Variants in SLC1A1 observed in about 807,000 individuals in gnomAD.
SLC1A1 encodes the protein excitatory amino acid transporter 3.
SLC1A1 carries 43 observed loss-of-function variants against 53.3 expected under a neutral mutation model. That is an observed-to-expected ratio of 0.81 (90% CI 0.63 to 1.04). SLC1A1 has a LOEUF of 1.04. SLC1A1 is among the 50% of genes least tolerant of loss of function. The pLI is 0.00. For synonymous variants in SLC1A1, 307 were observed against 243.2 expected (o/e 1.26, Z -2.44); for missense variants, 748 against 664.9 (o/e 1.12, Z -1.37).
At chr9:4,548,889 G>C (rs1332986601) in intron 2 of SLC1A1, among the ~76,000 whole-genome samples, 2 of 152,146 alleles carry the variant, frequency 1.3e-5, no homozygotes, top group African/African-American at 2.4e-5. Context: ...ACATTGTGAA[G>C]AACATGCTCC....
In SLC1A1 at chr9:4,567,649, T is replaced by C. The variant is rs1184520614; in HGVS notation, c.484-20T>C. The C allele has an allele frequency of 6.5e-7, 1 of 1,542,818 alleles. No homozygotes were observed. Among genetic ancestry groups the C allele is most frequent in the East Asian group, 2.2e-5 (1 of 44,460 alleles). ...AATTCTTTTTTTGTTTGCTTGTCCT[T>C]GATTTTCTCCAACATGCAGTACAAA... is the stretch of plus-strand genomic sequence containing the variant. On this transcript the variant is annotated intron_variant, in intron 5 of 11. Coordinates refer to ENST00000262352, the MANE Select transcript of SLC1A1 (RefSeq NM_004170.6).
At chr9:4,503,994 G>C (rs751300680) in intron 1 of SLC1A1, among the ~76,000 whole-genome samples, 1 of 152,180 alleles carries the variant, frequency 6.6e-6, no homozygotes, top group Non-Finnish European at 1.5e-5. Flanking sequence ...TCCTGGAATG[G>C]GGACCCCAGA....
At chr9:4,553,475 T>A (rs1368398188) in intron 2 of SLC1A1, 1 of 151,186 alleles carries the variant, frequency 6.6e-6, no homozygotes, top group African/African-American at 2.4e-5. Context: ...CAAGCGATTC[T>A]CCTGCCTCAG....
intron 1 of SLC1A1, among the ~76,000 whole-genome samples, chr9:4,498,102 G>A (rs1024635670): frequency 3.3e-5 from 5 of 152,182 alleles, no homozygotes; most frequent in Non-Finnish European, 2.9e-5. Context: ...CTAGCTTTAA[G>A]AACCTTTAGC....
chr9:4,490,636 C>G lies in SLC1A1; in HGVS notation c.-44C>G, dbSNP rs769107582. The G allele has an allele frequency of 6.4e-7, 1 of 1,551,800 alleles. No individual in the cohort carries two copies. Among genetic ancestry groups the G allele is most frequent in the Admixed American group, 1.7e-5 (1 of 58,790 alleles). On this transcript the variant is annotated 5_prime_UTR_variant, in exon 1 of 12. Coordinates refer to ENST00000262352, the MANE Select transcript of SLC1A1 (RefSeq NM_004170.6). ...CCAGCAGTCCCCGGGTCGCCCAGCC[C>G]ACGCGCGCACGGCCGAGCCCAGCGC...
At chr9:4,506,669 C>A (rs1185210025) in intron 1 of SLC1A1, among the ~76,000 whole-genome samples, 1 of 152,156 alleles carries the variant, frequency 6.6e-6, no homozygotes, top group Non-Finnish European at 1.5e-5. Context: ...CTGTGAAAGA[C>A]TGGACTTACT....
intron 1 of SLC1A1, among the ~76,000 whole-genome samples, chr9:4,510,809 C>T (rs573607347): frequency 6.6e-6 from 1 of 152,312 alleles, no homozygotes; most frequent in South Asian, 2.1e-4. Context: ...ACCAAAGGAA[C>T]ATGGTGATCT....
chr9:4,507,927 G>A (rs1392719163), intron 1 of SLC1A1, among the ~76,000 whole-genome samples: 1 of 152,178 alleles, frequency 6.6e-6, no homozygotes, highest in African/African-American at 2.4e-5. Flanking sequence ...TTACAGGCAT[G>A]TGAAACTGGC....
chr9:4,509,828 C>T (rs1051620061), intron 1 of SLC1A1, among the ~76,000 whole-genome samples: 1 of 152,078 alleles, frequency 6.6e-6, no homozygotes, highest in African/African-American at 2.4e-5. Context: ...GGAATGATGG[C>T]AGGGAAATTA....
intron 6 of SLC1A1, among the ~76,000 whole-genome samples, chr9:4,569,080 A>G (rs1819778857): frequency 1.3e-5 from 2 of 152,102 alleles, no homozygotes; most frequent in African/African-American, 4.8e-5. Flanking sequence ...CACAAAGAGC[A>G]AAAAAAGAGC....
At chr9:4,508,267 T>C (rs965867052) in intron 1 of SLC1A1, among the ~76,000 whole-genome samples, 1 of 152,106 alleles carries the variant, frequency 6.6e-6, no homozygotes, top group Admixed American at 6.5e-5. Context: ...ATGCAAGACT[T>C]TGGAATCCAC....
intron 10 of SLC1A1, among the ~76,000 whole-genome samples, chr9:4,578,147 T>C (rs1159291149): frequency 6.6e-6 from 1 of 152,246 alleles, no homozygotes; most frequent in African/African-American, 2.4e-5. Flanking sequence ...ATGAGAAATA[T>C]AGGTCTGGCT....
chr9:4,517,336 T>C (rs943657973), intron 1 of SLC1A1, among the ~76,000 whole-genome samples: 1 of 152,232 alleles, frequency 6.6e-6, no homozygotes, highest in East Asian at 1.9e-4. Context: ...GCCGTTCCTA[T>C]AGACTAGCTT....
intron 1 of SLC1A1, among the ~76,000 whole-genome samples, chr9:4,505,980 C>T (rs531494478): frequency 4.6e-5 from 7 of 152,228 alleles, no homozygotes; most frequent in South Asian, 4.1e-4. Flanking sequence ...CCCACCACCA[C>T]GCCTGGCTAA....
At position 4,563,174 on chromosome 9, in the gene SLC1A1, G is replaced by T. The variant is rs180871026; in HGVS notation, c.326-1170G>T. ...AAAAAAAAAAGAAGAATGCCCAGAG[G>T]GGGAAGACAGAAGGAGCATATACTC... On this transcript the variant is annotated intron_variant, in intron 3 of 11. Transcript: ENST00000262352. Among the ~76,000 whole-genome samples, 67 of 151,826 alleles carry T rather than the reference G, an allele frequency of 4.4e-4. 1 individual carries two copies. The East Asian group carries it at 9.1e-3, about 21-fold the overall frequency.
chr9:4,502,293 G>A (rs553923058), intron 1 of SLC1A1, among the ~76,000 whole-genome samples: 1 of 145,828 alleles, frequency 6.9e-6, no homozygotes. Flanking sequence ...GGGCTGAGGT[G>A]AGAGGATCAC....
In SLC1A1 at chr9:4,576,672, G is replaced by A; in HGVS notation, c.1102G>A (p.Asp368Asn). The A allele has an allele frequency of 6.2e-7, 1 of 1,614,184 alleles. No homozygotes were observed. The highest frequency in any genetic ancestry group is 1.1e-5 in the South Asian group (1 of 91,082). Residue 368 changes from aspartate to asparagine, a missense_variant, in exon 10 of 12, where the codon GAT (aspartate) becomes AAT (asparagine). Physicochemically the swap from Asp to Asn is conservative, Grantham distance 23. Coordinates refer to ENST00000262352, the MANE Select transcript of SLC1A1 (RefSeq NM_004170.6). Reference protein sequence around the residue: ...VLPVGATINMDGTALYEAVAA... With the variant: ...VLPVGATINMNGTALYEAVAA... ...ACCCGTTGGTGCAACAATCAACATG[G>A]ATGGGACTGCGCTCTATGAAGCAGT...
At chr9:4,574,228 A>G (rs997347242) in intron 8 of SLC1A1, among the ~76,000 whole-genome samples, 2 of 152,212 alleles carry the variant, frequency 1.3e-5, no homozygotes, top group African/African-American at 4.8e-5. Context: ...TTGGCAGAAC[A>G]GCCTGGACCA....
chr9:4,545,467 A>C (rs1323713086), intron 2 of SLC1A1, among the ~76,000 whole-genome samples: 1 of 152,200 alleles, frequency 6.6e-6, no homozygotes, highest in Non-Finnish European at 1.5e-5. Flanking sequence ...CCTCAGGAAA[A>C]ATATAGTTGT....
Sources: allele counts gnomAD v4.1 joint callset (sites outside exome capture counted in the v4.1 genomes callset), GRCh38; gene constraint gnomAD v4.1.1; transcripts MANE v1.5; gene names NCBI Gene and HGNC (gene_info 2026-07-23, HGNC 2026-07-21).